The following GPR107 variants were observed in gnomAD, a reference collection of about 807,000 sequenced individuals.
GPR107 encodes G protein-coupled receptor 107, also known as protein GPR107.
In GPR107, 31 loss-of-function variants were observed where a neutral mutation model predicts 75.5. The ratio of observed to expected loss-of-function variants is 0.41; its 90% CI spans 0.31 to 0.55. GPR107 has a LOEUF of 0.55. Among genes scored for constraint, GPR107 ranks in the 20% least tolerant of loss-of-function variants. GPR107 has a pLI of 0.26. For synonymous variants in GPR107, 267 were observed against 251.3 expected (o/e 1.06, Z -0.59); for missense variants, 572 against 665.7 (o/e 0.86, Z 1.55).
chr9:130,071,715 C>T (rs1425678495), intron 1 of GPR107, among the ~76,000 whole-genome samples: 1 of 151,956 alleles, frequency 6.6e-6, no homozygotes, highest in Non-Finnish European at 1.5e-5. Context: ...TAAAGTCTTG[C>T]TCTTGTCCCC....
Position 130,135,025 on chromosome 9 carries a change from T to C in GPR107, c.1563T>C (p.Val521=), listed in dbSNP as rs1554899713. 1 of 1,569,924 alleles carries C rather than the reference T, an allele frequency of 6.4e-7. No individual in the cohort carries two copies. The highest frequency in any genetic ancestry group is 2.2e-5 in the East Asian group (1 of 44,630). ...QEEEDLEMES[V]VTTSGVMESM... Reference sequence around the variant, plus strand: ...AATTGTTTTTTCTTTCCTTGTTCAGTGTGACAACATCTGGGGTGATGGAAA... The same window carrying C: ...AATTGTTTTTTCTTTCCTTGTTCAGCGTGACAACATCTGGGGTGATGGAAA... The change falls in exon 18 of 18, where the codon GTT becomes GTC. Residue 521 remains valine (V), a splice_region_variant and synonymous_variant. Coordinates refer to ENST00000347136, the MANE Select transcript of GPR107 (RefSeq NM_020960.5).
At chr9:130,096,635 T>G (rs1239058582) in intron 9 of GPR107, among the ~76,000 whole-genome samples, 1 of 151,892 alleles carries the variant, frequency 6.6e-6, no homozygotes, top group Non-Finnish European at 1.5e-5. Flanking sequence ...GCCCGGCTAA[T>G]TTTTGTATTT....
rs549777145 is a variant in GPR107, at chr9:130,072,295, T to G, written c.142-3341T>G. Among the ~76,000 whole-genome samples, 197 of 151,758 alleles carry G rather than the reference T, an allele frequency of 1.3e-3. 1 individual carries two copies. Among genetic ancestry groups the G allele is most frequent in the African/African-American group, 4.4e-3 (183 of 41,402 alleles). On this transcript the variant is annotated intron_variant, in intron 1 of 17. Coordinates refer to ENST00000347136, the MANE Select transcript of GPR107 (RefSeq NM_020960.5). ...GTGCAGTGGCGTGATCTCGGCTCAC[T>G]GCAGGCTCCGCCCCCTGGGGTTCAC...
At chr9:130,106,155 T>C (rs2132617863) in intron 13 of GPR107, among the ~76,000 whole-genome samples, 1 of 152,280 alleles carries the variant, frequency 6.6e-6, no homozygotes, top group South Asian at 2.1e-4. Context: ...CCCAACAAGC[T>C]GTCGAGGTGT....
chr9:130,060,692 G>T (rs1056591302), intron 1 of GPR107, among the ~76,000 whole-genome samples: 1 of 152,148 alleles, frequency 6.6e-6, no homozygotes, highest in African/African-American at 2.4e-5. Context: ...TGCTGCAAAT[G>T]AGCAAGTGGA....
intron 1 of GPR107, among the ~76,000 whole-genome samples, chr9:130,069,121 A>G (rs1216287359): frequency 6.6e-6 from 1 of 152,198 alleles, no homozygotes; most frequent in African/African-American, 2.4e-5. Flanking sequence ...GAGTTAGGTT[A>G]CTGGCCCTGC....
At chr9:130,107,099 G>GA (rs1429185721) in intron 13 of GPR107, among the ~76,000 whole-genome samples, 1 of 152,166 alleles carries the variant, frequency 6.6e-6, no homozygotes, top group Non-Finnish European at 1.5e-5. Flanking sequence ...CTAGACTCTA[G>GA]AAGTCAGCTG....
intron 15 of GPR107, among the ~76,000 whole-genome samples, chr9:130,126,702 C>T (rs1831697327): frequency 6.6e-6 from 1 of 152,206 alleles, no homozygotes; most frequent in Non-Finnish European, 1.5e-5. Flanking sequence ...CAGACAGTTC[C>T]TTTGCTCAAG....
rs1378191680 is a variant in GPR107 at position 130,090,183 on chromosome 9, A to C, written c.622-693A>C. On this transcript the variant is annotated intron_variant, in intron 7 of 17. Transcript: ENST00000347136. ...TATTGGTAGAACTTATGGCTGAAGT[A>C]AAATTTTCTTAGGCTTGACCAAGAA... is the stretch of plus-strand genomic sequence containing the variant. Among the ~76,000 whole-genome samples the C allele has an allele frequency of 2.6e-5, 4 of 152,226 alleles. No individual in the cohort carries two copies. In the East Asian group the frequency reaches 7.7e-4, roughly 29 times the overall value.
At chr9:130,058,517 C>T (rs1379992678) in intron 1 of GPR107, among the ~76,000 whole-genome samples, 1 of 150,942 alleles carries the variant, frequency 6.6e-6, no homozygotes, top group African/African-American at 2.4e-5. Context: ...TAGGCTGGAG[C>T]GCAATGGCGT....
intron 10 of GPR107, 51 bp from the exon 11 acceptor site, chr9:130,100,578 T>A (rs1831000492): frequency 7.9e-7 from 1 of 1,259,628 alleles, no homozygotes; most frequent in South Asian, 1.2e-5. Flanking sequence ...AGATTCTTTG[T>A]GGAGCCATGT....
At chr9:130,091,181 C>T (rs9696050) in intron 8 of GPR107, among the ~76,000 whole-genome samples, 198 bp downstream of exon 8, 1,646 of 152,192 alleles carry the variant, frequency 0.011, 31 homozygotes, top group African/African-American at 0.038. Context: ...GCACTTTAAC[C>T]TGTGCGTTAA....
At chr9:130,076,579 A>G (rs571559063) in intron 3 of GPR107, 117 bp downstream of exon 3, 28 of 719,138 alleles carry the variant, frequency 3.9e-5, no homozygotes, top group African/African-American at 7.0e-5. Context: ...CGGTGGCACA[A>G]TCATAGCTCA....
chr9:130,057,785 T>A (rs567986159), intron 1 of GPR107, among the ~76,000 whole-genome samples: 24 of 151,698 alleles, frequency 1.6e-4, no homozygotes, highest in Middle Eastern at 6.8e-3. Context: ...ACAGTCCATC[T>A]CTTTTGACTT....
chr9:130,093,472 G>C (rs1830790442), intron 9 of GPR107, among the ~76,000 whole-genome samples: 1 of 152,106 alleles, frequency 6.6e-6, no homozygotes, highest in Non-Finnish European at 1.5e-5. Context: ...GGAGCATTGG[G>C]GTGGAAATTG....
chr9:130,078,738 C>G (rs1481934310), intron 4 of GPR107, among the ~76,000 whole-genome samples: 1 of 152,210 alleles, frequency 6.6e-6, no homozygotes, highest in Non-Finnish European at 1.5e-5. Context: ...TCATATCCAG[C>G]CAAGGGACAG....
chr9:130,089,873 C>T (rs554163520), intron 7 of GPR107, among the ~76,000 whole-genome samples: 10 of 152,148 alleles, frequency 6.6e-5, no homozygotes, highest in African/African-American at 9.6e-5. Context: ...TATTTTTCCC[C>T]GTTTTTTTAA....
At chr9:130,109,145 G>A (rs371666171) in intron 14 of GPR107, among the ~76,000 whole-genome samples, 3 of 151,254 alleles carry the variant, frequency 2.0e-5, no homozygotes, top group South Asian at 2.1e-4. Flanking sequence ...GATTACAGGC[G>A]CCTGCCAGCA....
In GPR107 at chr9:130,104,531, A is replaced by G; in HGVS notation, c.1243A>G (p.Ile415Val). The change falls in exon 13 of 18, where the codon ATC (isoleucine) becomes GTC (valine). Residue 415 changes from isoleucine (I) to valine (V), a missense_variant. Physicochemically the swap from Ile to Val is conservative, Grantham distance 29 (BLOSUM62 3). Coordinates refer to ENST00000347136, the MANE Select transcript of GPR107 (RefSeq NM_020960.5). Reference protein sequence around the residue: ...FLVDLLCCGAILFPVVWSIRH... With the variant: ...FLVDLLCCGAVLFPVVWSIRH... The stretch of plus-strand genomic sequence containing the variant: ...GGTCGACCTGTTGTGTTGTGGTGCC[A>G]TCCTCTTCCCAGTGGTGTGGTGAGT... 1.2e-6 allele frequency: 2 copies of G among 1,613,946 alleles called. No homozygotes were observed. The highest frequency in any genetic ancestry group is 1.6e-4 in the Middle Eastern group (1 of 6,062).
Sources: allele counts gnomAD v4.1 joint callset (sites outside exome capture counted in the v4.1 genomes callset), GRCh38; gene constraint gnomAD v4.1.1; transcripts MANE v1.5; gene names NCBI Gene and HGNC (gene_info 2026-07-23, HGNC 2026-07-21).